Variants in ASXL2 observed in about 807,000 individuals in gnomAD.
The protein encoded by ASXL2 is ASXL transcriptional regulator 2.
ASXL2 carries 23 observed loss-of-function variants against 122.0 expected under a neutral mutation model. The ratio of observed to expected loss-of-function variants is 0.19; its 90% CI spans 0.14 to 0.27. The LOEUF (loss-of-function observed/expected upper bound fraction) is 0.27. Ranked by LOEUF, ASXL2 falls within the 10% of genes least tolerant of loss-of-function variation. The probability of loss-of-function intolerance (pLI) is 1.00; values close to 1 mark genes in which losing one functional copy is unlikely to be tolerated. For synonymous variants in ASXL2, 650 were observed against 637.0 expected, an observed-to-expected ratio of 1.02 and a Z score of -0.31; for missense variants, 1,518 against 1,713.8, an observed-to-expected ratio of 0.89 and a Z score of 2.02.
chr2:25,869,065 T>G (rs1264901844), intron 1 of ASXL2, among the ~76,000 whole-genome samples: 1 of 150,898 alleles, frequency 6.6e-6, no homozygotes, highest in African/African-American at 2.4e-5. Context: ...CTCGGGAGGC[T>G]GAGGCAGGAG....
chr2:25,753,504 T>C, intron 11 of ASXL2, 30 bp downstream of exon 11: 7 of 1,548,430 alleles, frequency 4.5e-6, no homozygotes, highest in Non-Finnish European at 6.2e-6. Context: ...GGAATTAACA[T>C]TTGGTTTATA....
chr2:25,783,123 T>A (rs2088673951), intron 5 of ASXL2, among the ~76,000 whole-genome samples: 2 of 152,104 alleles, frequency 1.3e-5, no homozygotes, highest in East Asian at 1.9e-4. Flanking sequence ...AATGAGACTC[T>A]GTCTCAAAAT....
chr2:25,836,693 T>C (rs1426745400), intron 2 of ASXL2, among the ~76,000 whole-genome samples: 1 of 152,188 alleles, frequency 6.6e-6, no homozygotes, highest in Non-Finnish European at 1.5e-5. Context: ...CAGAGTTCTT[T>C]ACAATCTAGG....
chr2:25,834,301 C>T (rs113360717), intron 3 of ASXL2, among the ~76,000 whole-genome samples: 6,423 of 151,916 alleles, frequency 0.042, 204 homozygotes, highest in African/African-American at 0.08. Context: ...TGCAGTGAGC[C>T]GAGACCATGC....
At chr2:25,844,415 T>C (rs1342075275) in intron 2 of ASXL2, among the ~76,000 whole-genome samples, 1 of 151,980 alleles carries the variant, frequency 6.6e-6, no homozygotes, top group Admixed American at 6.6e-5. Context: ...ACCCTGTCTC[T>C]ACTAAAAGTA....
At chr2:25,847,679 C>A (rs986293220) in intron 1 of ASXL2, among the ~76,000 whole-genome samples, 2 of 152,112 alleles carry the variant, frequency 1.3e-5, no homozygotes, top group African/African-American at 4.8e-5. Context: ...CAAAAATACA[C>A]CATGGACCTG....
At chr2:25,807,968 TTTAAA>T (rs2089107529) in intron 3 of ASXL2, among the ~76,000 whole-genome samples, 1 of 131,446 alleles carries the variant, frequency 7.6e-6, no homozygotes. Flanking sequence ...TCCTAATTGG[TTTAAA>T]TTAATCAGCT....
At chr2:25,852,508 AAC>A (rs1485910268) in intron 1 of ASXL2, among the ~76,000 whole-genome samples, 1 of 152,236 alleles carries the variant, frequency 6.6e-6, no homozygotes, top group Non-Finnish European at 1.5e-5. Context: ...CCAAATAAGT[AAC>A]ACAGTGATCT....
At chr2:25,747,989 A>C (rs1166717576) in intron 12 of ASXL2, among the ~76,000 whole-genome samples, 2 of 151,896 alleles carry the variant, frequency 1.3e-5, no homozygotes, top group Non-Finnish European at 2.9e-5. Flanking sequence ...CAACACGGTG[A>C]GACCCCTTTA....
At chr2:25,853,294 G>A (rs2089739503) in intron 1 of ASXL2, among the ~76,000 whole-genome samples, 1 of 152,150 alleles carries the variant, frequency 6.6e-6, no homozygotes, top group African/African-American at 2.4e-5. Flanking sequence ...GGAACACATG[G>A]TATTTAGACA....
At chr2:25,745,641 CTT>C (rs59530493) in intron 12 of ASXL2, among the ~76,000 whole-genome samples, 465 of 75,670 alleles carry the variant, frequency 6.1e-3, no homozygotes, top group African/African-American at 0.019. Context: ...TGATTTCCTT[CTT>C]TTTTTTTTTT....
intron 12 of ASXL2, among the ~76,000 whole-genome samples, chr2:25,748,378 T>C (rs1017273028): frequency 4.0e-5 from 6 of 151,588 alleles, no homozygotes; most frequent in Admixed American, 3.3e-4. Context: ...TGGTGGTGCA[T>C]GCCTGTAATC....
chr2:25,851,619 T>C (rs926387770), intron 1 of ASXL2, among the ~76,000 whole-genome samples: 12 of 152,230 alleles, frequency 7.9e-5, no homozygotes, highest in African/African-American at 2.9e-4. Context: ...AGCTTAATAC[T>C]TTTTCTGTAT....
At chr2:25,877,635 A>C (rs1383063565) in intron 1 of ASXL2, among the ~76,000 whole-genome samples, 5 of 152,128 alleles carry the variant, frequency 3.3e-5, no homozygotes, top group African/African-American at 1.2e-4. Context: ...CCAAACAAAA[A>C]CAAAAGCCTC....
intron 3 of ASXL2, among the ~76,000 whole-genome samples, chr2:25,816,899 C>T (rs975096427): frequency 2.6e-5 from 4 of 152,094 alleles, no homozygotes; most frequent in East Asian, 1.9e-4. Context: ...CCGAGGTTGG[C>T]GGATCACCTG....
At chr2:25,767,773 G>C in intron 7 of ASXL2, 47 bp from the exon 8 acceptor site, 1 of 1,594,072 alleles carries the variant, frequency 6.3e-7, no homozygotes, top group Non-Finnish European at 8.6e-7. Context: ...TGAGATTATA[G>C]ACAGAATCAA....
Position 25,743,938 on chromosome 2 carries a change from T to A in ASXL2, c.2399A>T (p.Lys800Ile). 6.2e-7 allele frequency: 1 copy of A among 1,613,928 alleles called. No homozygotes were observed. Among genetic ancestry groups the A allele is most frequent in the Non-Finnish European group, 8.5e-7 (1 of 1,179,868 alleles). ...GGGGTTCAGTTTTTCATTATCCAAT[T>A]TCTCTATGTGGGCTGGTGATGGGAC... ...TSVPSPAHIEKLDNEKLNPTR... is the reference protein window; with the variant it reads ...TSVPSPAHIEILDNEKLNPTR... Residue 800 changes from lysine (K) to isoleucine (I), a missense_variant, in exon 13 of 13, where the codon AAA becomes ATA. Lys to Ile is a moderately radical substitution (Grantham distance 102). Transcript: ENST00000435504.
rs2149206835 is a variant in ASXL2 at position 25,878,373 on chromosome 2, C to G, written c.-151G>C. On this transcript the variant is annotated 5_prime_UTR_variant, in exon 1 of 13. Transcript: ENST00000435504. ...GGGGGCACCCAAGCAGAGGAAGCGGCGGGGGTGGTGCGCGGGGGGGTCTAT... is the reference window on the plus strand; with the variant it reads ...GGGGGCACCCAAGCAGAGGAAGCGGGGGGGGTGGTGCGCGGGGGGGTCTAT... 3 of 635,834 alleles carry G rather than the reference C, an allele frequency of 4.7e-6. No individual in the cohort carries two copies. The highest frequency in any genetic ancestry group is 7.9e-6 in the Non-Finnish European group (3 of 379,206). The allele number at this position is 635,834 out of a possible 1,614,324, so 39.4% of individuals were successfully genotyped here. A position where few individuals can be genotyped will look rare whatever the true frequency, so the allele number is the denominator to read the frequency against.
intron 12 of ASXL2, among the ~76,000 whole-genome samples, chr2:25,747,265 C>A (rs930041626): frequency 3.3e-5 from 5 of 151,928 alleles, no homozygotes; most frequent in Non-Finnish European, 5.9e-5. Context: ...TTTTTATATA[C>A]ATTTGTATAT....
Sources: gnomAD v4.1 joint callset for allele counts (sites outside exome capture counted in the v4.1 genomes callset) on GRCh38, gnomAD v4.1.1 for gene constraint, MANE v1.5 for transcripts, NCBI Gene and HGNC (gene_info 2026-07-23, HGNC 2026-07-21) for gene names.